The following ZNF841 variants were observed in gnomAD, a reference collection of about 807,000 sequenced individuals.
ZNF841 encodes zinc finger protein 841.
In ZNF841, 11 loss-of-function variants were observed where a neutral mutation model predicts 13.0. The observed-to-expected ratio is 0.85, with a 90% CI of 0.53 to 1.40. The LOEUF is 1.40. Among genes scored for constraint, ZNF841 ranks in the 40% most tolerant of loss-of-function variants. ZNF841 has a pLI of 0.00. For synonymous variants in ZNF841, 369 were observed against 381.6 expected, an observed-to-expected ratio of 0.97 and a Z score of 0.38; for missense variants, 1,068 against 1,139.5, an observed-to-expected ratio of 0.94 and a Z score of 0.90.
In ZNF841 at chr19:52,084,797, G is replaced by C. The variant is rs2088216392; in HGVS notation, c.5C>G (p.Ala2Gly). The change falls in exon 4 of 7, where the codon GCT becomes GGT. Residue 2 changes from alanine (A) to glycine (G), a missense_variant. Coordinates refer to ENST00000594440, the MANE Select transcript of ZNF841 (RefSeq NM_001136499.2). M[A>G]LPQGSLTFRD... ...AGATTATCACTTTACCTGAGGAAGA[G>C]CCATCCCTGGCTCCTTTTCTTTCTT... 1 of 1,613,356 alleles carries C rather than the reference G, an allele frequency of 6.2e-7. No individual in the cohort carries two copies. Among genetic ancestry groups the C allele is most frequent in the African/African-American group, 1.3e-5 (1 of 74,880 alleles).
At chr19:52,068,798 T>G (rs564630315) in intron 6 of ZNF841, among the ~76,000 whole-genome samples, 1 of 151,822 alleles carries the variant, frequency 6.6e-6, no homozygotes, top group Non-Finnish European at 1.5e-5. Flanking sequence ...TGGTGAAACC[T>G]CATCTCTACT....
rs770791950 is a variant in ZNF841 at position 52,066,823 on chromosome 19, G to A, written c.1059C>T (p.Ser353=). The change falls in exon 7 of 7, where the codon TCC becomes TCT. Residue 353 remains serine (S), a synonymous_variant. Transcript: ENST00000594440. ...CTGCAAGGTGGGAACTTTTACTAAA[G>A]GACTTGCCACATTCATTACATATGT... ...KPYICNECGK[S]FSKSSHLAVH... The A allele has an allele frequency of 3.3e-4, 527 of 1,614,024 alleles. No homozygotes were observed. Among genetic ancestry groups the A allele is most frequent in the Non-Finnish European group, 4.3e-4 (511 of 1,180,026 alleles).
At chr19:52,092,917 G>A (rs1016515482) in intron 2 of ZNF841, among the ~76,000 whole-genome samples, 7 of 152,188 alleles carry the variant, frequency 4.6e-5, no homozygotes, top group East Asian at 1.9e-4. Flanking sequence ...TCAGGAGTTC[G>A]AGACCAGCCT....
At position 52,066,730 on chromosome 19, in the gene ZNF841, T is replaced by C; in HGVS notation, c.1152A>G (p.Gln384=). 2 of 1,611,244 alleles carry C rather than the reference T, an allele frequency of 1.2e-6. No homozygotes were observed. Among genetic ancestry groups the C allele is most frequent in the South Asian group, 1.1e-5 (1 of 90,816 alleles). Residue 384 remains glutamine, a synonymous_variant, in exon 7 of 7, where the codon CAA becomes CAG. Transcript: ENST00000594440. ...TCTGATGAGTTGCAAGAGAGGAACT[T>C]TGACTAAAGCACTTCCCACATCGAT... is the stretch of plus-strand genomic sequence containing the variant. ...KCNRCGKCFS[Q]SSSLATHQTV...
intron 6 of ZNF841, among the ~76,000 whole-genome samples, chr19:52,068,958 C>A (rs540857204): frequency 2.0e-5 from 3 of 152,092 alleles, no homozygotes; most frequent in East Asian, 1.9e-4. Context: ...GGCAACAGAG[C>A]GAGACTGCCT....
intron 6 of ZNF841, among the ~76,000 whole-genome samples, chr19:52,074,295 T>C (rs187887649): frequency 1.1e-3 from 163 of 152,338 alleles, no homozygotes; most frequent in African/African-American, 3.4e-3. Context: ...ACAAAGTTCA[T>C]TTATAATACA....
chr19:52,094,566 A>G (rs555866439), intron 1 of ZNF841, among the ~76,000 whole-genome samples: 39 of 151,414 alleles, frequency 2.6e-4, no homozygotes, highest in African/African-American at 8.0e-4. Flanking sequence ...TCCCCCATCT[A>G]AGCTCCCTCT....
intron 4 of ZNF841, among the ~76,000 whole-genome samples, chr19:52,083,066 C>A (rs1356125275): frequency 1.4e-5 from 2 of 142,776 alleles, no homozygotes; most frequent in African/African-American, 5.2e-5. Context: ...GGCGACAGAG[C>A]AAGACTCCGT....
chr19:52,093,241 TAC>T (rs914684048), intron 2 of ZNF841, among the ~76,000 whole-genome samples: 3 of 152,218 alleles, frequency 2.0e-5, no homozygotes, highest in African/African-American at 7.2e-5. Flanking sequence ...TATAGACATA[TAC>T]AGAGTGTTCA....
intron 4 of ZNF841, among the ~76,000 whole-genome samples, chr19:52,079,983 C>T (rs1020458573): frequency 7.3e-6 from 1 of 136,426 alleles, no homozygotes; most frequent in Non-Finnish European, 1.5e-5. Flanking sequence ...AAGAGCGAAA[C>T]TCCATCTCAG....
Position 52,076,734 on chromosome 19 carries a change from G to A in ZNF841, c.142+224C>T, listed in dbSNP as rs939481709. Among the ~76,000 whole-genome samples, 4 of 151,604 alleles carry A rather than the reference G, an allele frequency of 2.6e-5. No homozygotes were observed. The East Asian group carries it at 5.8e-4, about 22-fold the overall frequency. Reference sequence around the variant, plus strand: ...TTAACTCCGCCATAAGGTTTTACACGTACCTCAGCTCTGGAGTCACCACTA... The same window carrying A: ...TTAACTCCGCCATAAGGTTTTACACATACCTCAGCTCTGGAGTCACCACTA... On this transcript the variant is annotated intron_variant, in intron 5 of 6. Coordinates refer to ENST00000594440, the MANE Select transcript of ZNF841 (RefSeq NM_001136499.2).
rs1193150391 is a variant in ZNF841 at position 52,065,200 on chromosome 19, T to G, written c.2682A>C (p.Lys894Asn). 3.7e-6 allele frequency: 6 copies of G among 1,608,792 alleles called. No homozygotes were observed. Among genetic ancestry groups the G allele is most frequent in the African/African-American group, 1.3e-5 (1 of 74,742 alleles). The change falls in exon 7 of 7, where the codon AAA becomes AAC. Residue 894 changes from lysine (K) to asparagine (N), a missense_variant. Lys to Asn is a moderately conservative substitution (Grantham distance 94, BLOSUM62 0). Coordinates refer to ENST00000594440, the MANE Select transcript of ZNF841 (RefSeq NM_001136499.2). The part of the protein sequence containing the change: ...KSYISRSGLT[K>N]HQIKHAGENL... ...TCTCTCCAGCATGTTTTATCTGATG[T>G]TTAGTGAGGCCTGAGCGACTAATGT...
At chr19:52,079,995 GAAAAA>G (rs750531184) in intron 4 of ZNF841, among the ~76,000 whole-genome samples, 2 of 111,002 alleles carry the variant, frequency 1.8e-5, no homozygotes, top group South Asian at 2.9e-4. Context: ...CCATCTCAGG[GAAAAA>G]AAAAAAAAAA....
rs749058976 is a variant in ZNF841, at chr19:52,065,997, C to T, written c.1885G>A (p.Glu629Lys). ...TAGTAACTGAAGACCTTGCCGCATT[C>T]GTTACACTGGAAAGGTTTCTCTCCG... is the stretch of plus-strand genomic sequence containing the variant. ...HTGEKPFQCN[E>K]CGKVFSYYSC... Residue 629 changes from glutamate to lysine, a missense_variant, in exon 7 of 7, where the codon GAA becomes AAA. Coordinates refer to ENST00000594440, the MANE Select transcript of ZNF841 (RefSeq NM_001136499.2). 7.4e-6 allele frequency: 12 copies of T among 1,613,718 alleles called. No individual in the cohort carries two copies. Among genetic ancestry groups the T allele is most frequent in the African/African-American group, 2.7e-5 (2 of 74,808 alleles).
rs570817984 is a variant in ZNF841, at chr19:52,072,015, C to T, written c.271+4029G>A. 3.3e-5 allele frequency among the ~76,000 whole-genome samples: 5 copies of T among 152,206 alleles called. No individual in the cohort carries two copies. In the South Asian group the frequency reaches 1.0e-3, roughly 32 times the overall value. ...ACTGAAGGGATGAAAAAAGATATGC[C>T]CTCAAAATGTTAACCGAAAGACATC... On this transcript the variant is annotated intron_variant, in intron 6 of 6. Transcript: ENST00000594440.
chr19:52,091,753 C>A (rs1468594915), intron 2 of ZNF841, among the ~76,000 whole-genome samples: 1 of 152,134 alleles, frequency 6.6e-6, no homozygotes, highest in Non-Finnish European at 1.5e-5. Flanking sequence ...AGAAAAAAAG[C>A]TCCTTGACAT....
In ZNF841 at chr19:52,065,552, C is replaced by T. The variant is rs537743823; in HGVS notation, c.2330G>A (p.Arg777His). The T allele has an allele frequency of 5.0e-6, 8 of 1,613,814 alleles. No individual in the cohort carries two copies. Among genetic ancestry groups the T allele is most frequent in the African/African-American group, 4.0e-5 (3 of 74,984 alleles). ...CNECGKVFRY[R>H]SGLARHWSIH... ...ACTCCAATGACGTGCGAGGCCTGAGCGATAACGGAAGACCTTGCCACATTC... is the reference window on the plus strand; with the variant it reads ...ACTCCAATGACGTGCGAGGCCTGAGTGATAACGGAAGACCTTGCCACATTC... The change falls in exon 7 of 7, where the codon CGC becomes CAC. Residue 777 changes from arginine to histidine, a missense_variant. By Grantham distance (29) the Arg-to-His change is conservative. Transcript: ENST00000594440.
chr19:52,074,642 G>A (rs945889369), intron 6 of ZNF841, among the ~76,000 whole-genome samples: 11 of 151,976 alleles, frequency 7.2e-5, no homozygotes, highest in African/African-American at 2.4e-4. Flanking sequence ...TCAGCCCCCC[G>A]AGTAGCTGGG....
intron 6 of ZNF841, among the ~76,000 whole-genome samples, chr19:52,069,504 C>T (rs1410509343): frequency 2.0e-5 from 3 of 152,132 alleles, no homozygotes; most frequent in Non-Finnish European, 4.4e-5. Flanking sequence ...TGAAAACTTA[C>T]AGATACAATG....
Sources: gnomAD v4.1 joint callset for allele counts (sites outside exome capture counted in the v4.1 genomes callset) on GRCh38, gnomAD v4.1.1 for gene constraint, MANE v1.5 for transcripts, NCBI Gene and HGNC (gene_info 2026-07-23, HGNC 2026-07-21) for gene names.